The following PTBP1 variants were observed in gnomAD, a reference collection of about 807,000 sequenced individuals.
PTBP1 encodes polypyrimidine tract-binding protein 1.
A neutral mutation model predicts 59.8 loss-of-function variants in PTBP1; 8 were observed. That is an observed-to-expected ratio of 0.13 (90% confidence interval 0.08 to 0.24). The LOEUF (loss-of-function observed/expected upper bound fraction) is 0.24. Ranked by LOEUF, PTBP1 falls within the 10% of genes least tolerant of loss-of-function variation. PTBP1 has a pLI of 1.00. For synonymous variants in PTBP1, 490 were observed against 320.7 expected, an observed-to-expected ratio of 1.53 and a Z score of -5.64; for missense variants, 686 against 767.0, an observed-to-expected ratio of 0.89 and a Z score of 1.25.
intron 13 of PTBP1, 70 bp from the exon 14 acceptor site, chr19:810,473 A>T: frequency 7.4e-7 from 1 of 1,355,540 alleles, no homozygotes; most frequent in Non-Finnish European, 1.0e-6. Flanking sequence ...GTCTGGGGAA[A>T]GCCTCGCGGA....
intron 2 of PTBP1, among the ~76,000 whole-genome samples, chr19:802,185 C>G (rs989117505): frequency 6.6e-6 from 1 of 152,204 alleles, no homozygotes; most frequent in South Asian, 2.1e-4. Flanking sequence ...CCCCATCCTC[C>G]TTGAGCAGGT....
intron 8 of PTBP1, 28 bp downstream of exon 8, chr19:805,215 T>G (rs1317735762): frequency 6.2e-7 from 1 of 1,610,318 alleles, no homozygotes; most frequent in Non-Finnish European, 8.5e-7. Flanking sequence ...GCGGCGCCAG[T>G]GTGCAGAGTG....
chr19:808,512 C>G lies in PTBP1; in HGVS notation c.1247-34C>G, dbSNP rs778040853. Reference sequence around the variant, plus strand: ...CAGGGGCGGGGGCTGCGTTCCCTCTCGGGCGCCTGGTCACGCGGGTGCTGC... The same window carrying G: ...CAGGGGCGGGGGCTGCGTTCCCTCTGGGGCGCCTGGTCACGCGGGTGCTGC... On this transcript the variant is annotated intron_variant, in intron 12 of 14. Transcript: ENST00000356948. The surrounding 1 kb of genome is among the most constrained non-coding windows in gnomAD (Gnocchi z 4.7). 3.2e-6 allele frequency: 5 copies of G among 1,559,860 alleles called. No homozygotes were observed. The highest frequency in any genetic ancestry group is 1.4e-5 in the African/African-American group (1 of 73,526).
intron 2 of PTBP1, 71 bp from the exon 3 acceptor site, chr19:803,490 G>C: frequency 7.3e-7 from 1 of 1,379,256 alleles, no homozygotes; most frequent in Non-Finnish European, 1.0e-6. Flanking sequence ...GTGGGAGCAG[G>C]GCCGGCCGGT....
Position 804,769 on chromosome 19 carries a change from G to A in PTBP1, c.607-60G>A, listed in dbSNP as rs1168810215. ...TGCTGTGGGCACAGGCACACGGGAG[G>A]GGCCTGGCAGGGCTGGTGGGCACCG... is the stretch of plus-strand genomic sequence containing the variant. On this transcript the variant is annotated intron_variant, in intron 6 of 14. Coordinates refer to ENST00000356948, the MANE Select transcript of PTBP1 (RefSeq NM_002819.5). 4.4e-6 allele frequency: 7 copies of A among 1,608,358 alleles called. No individual in the cohort carries two copies. The African/African-American group carries it at 5.3e-5, about 12-fold the overall frequency.
rs962871762 is a variant in PTBP1, at chr19:799,607, C to T, written c.39+164C>T. 3.9e-5 allele frequency among the ~76,000 whole-genome samples: 6 copies of T among 152,232 alleles called. No individual in the cohort carries two copies. In the South Asian group the frequency reaches 6.2e-4, roughly 16 times the overall value. On this transcript the variant is annotated intron_variant, in intron 2 of 14. Transcript: ENST00000356948. ...GAGTTGGGCGGTAGGGTTTGAACCC[C>T]GGGCTCCAGTGCCCGTGAGTTTTGG...
At chr19:798,037 G>A (rs956976615) in intron 1 of PTBP1, among the ~76,000 whole-genome samples, 2 of 151,276 alleles carry the variant, frequency 1.3e-5, no homozygotes, top group Admixed American at 1.3e-4. Flanking sequence ...GCGGCCGCCG[G>A]GAGGGAAAGC....
rs2034501690 is a variant in PTBP1, at chr19:805,108, G to A, written c.813G>A (p.Lys271=). Residue 271 remains lysine (K), a synonymous_variant, in exon 8 of 15, where the codon AAG becomes AAA. Transcript: ENST00000356948. The stretch of plus-strand genomic sequence containing the variant: ...TCAACGTCAAGTACAACAATGACAA[G>A]AGCCGTGACTACACACGCCCAGACC... The part of the protein sequence containing the change: ...TSLNVKYNND[K]SRDYTRPDLP... 6.2e-7 allele frequency: 1 copy of A among 1,613,882 alleles called. No individual in the cohort carries two copies. Among genetic ancestry groups the A allele is most frequent in the Non-Finnish European group, 8.5e-7 (1 of 1,179,886 alleles).
intron 2 of PTBP1, among the ~76,000 whole-genome samples, chr19:800,075 C>A (rs1338882605): frequency 1.3e-5 from 2 of 151,188 alleles, no homozygotes; most frequent in African/African-American, 2.4e-5. Context: ...TACAGGTGCC[C>A]ACCACCATGC....
At chr19:797,600 C>T (rs925447710) in intron 1 of PTBP1, 95 bp downstream of exon 1, 7 of 890,504 alleles carry the variant, frequency 7.9e-6, no homozygotes, top group Admixed American at 4.6e-5. Flanking sequence ...ATCTCGCCCC[C>T]TCTCGGGCGG....
At chr19:797,616 G>C in intron 1 of PTBP1, 111 bp downstream of exon 1, 1 of 685,868 alleles carries the variant, frequency 1.5e-6, no homozygotes, top group Non-Finnish European at 2.0e-6. Flanking sequence ...GGCGGGAGGG[G>C]GCGGCGGGCT....
chr19:808,889 C>T lies in PTBP1; in HGVS notation c.1463+127C>T, dbSNP rs751798141. The T allele has an allele frequency of 4.7e-5, 40 of 849,936 alleles. No homozygotes were observed. The highest frequency in any genetic ancestry group is 6.7e-5 in the Non-Finnish European group (36 of 536,168). The allele number at this position is 849,936 out of a possible 1,614,324, so 52.6% of individuals were successfully genotyped here. A position where few individuals can be genotyped will look rare whatever the true frequency, so the allele number is the denominator to read the frequency against. On this transcript the variant is annotated intron_variant, in intron 13 of 14. Coordinates refer to ENST00000356948, the MANE Select transcript of PTBP1 (RefSeq NM_002819.5). The surrounding 1 kb of genome is among the most constrained non-coding windows in gnomAD (Gnocchi z 4.7). ...CAGGTCGGGCACCTCTTACCCCAAA[C>T]CTGAAGTACTGCAAGGCCTGGAGCT... is the stretch of plus-strand genomic sequence containing the variant.
intron 9 of PTBP1, 62 bp from the exon 10 acceptor site, chr19:806,346 C>T (rs997590813): frequency 8.6e-6 from 13 of 1,514,242 alleles, no homozygotes; most frequent in Admixed American, 4.3e-5. Flanking sequence ...GGAGCGTCGG[C>T]CTCTCCCACT....
intron 10 of PTBP1, 42 bp from the exon 11 acceptor site, chr19:807,825 CCT>C: frequency 6.4e-7 from 1 of 1,572,564 alleles, no homozygotes; most frequent in Non-Finnish European, 8.8e-7. Context: ...TTGACCTCTC[CCT>C]CTCCCCTGTC....
At chr19:800,793 T>A (rs1190874036) in intron 2 of PTBP1, among the ~76,000 whole-genome samples, 1 of 152,206 alleles carries the variant, frequency 6.6e-6, no homozygotes. Flanking sequence ...TCTTCCCTGC[T>A]TCTGTGGGCC....
chr19:806,409 C>T lies in PTBP1; in HGVS notation c.972C>T (p.Gly324=). ...TCATCTCACCTCCTGCTTTTCCAGG[C>T]CTTTCCGTTCCGAACGTCCACGGCG... ...PPTFAIPQAA[G]LSVPNVHGAL... Residue 324 remains glycine, a splice_region_variant and synonymous_variant, in exon 10 of 15, where the codon GGC becomes GGT. Transcript: ENST00000356948. The T allele has an allele frequency of 3.1e-6, 5 of 1,601,226 alleles. No homozygotes were observed. Among genetic ancestry groups the T allele is most frequent in the African/African-American group, 1.4e-5 (1 of 73,408 alleles).
At chr19:807,562 T>G in intron 10 of PTBP1, 2 of 405,408 alleles carry the variant, frequency 4.9e-6, no homozygotes, top group East Asian at 4.2e-5. Flanking sequence ...CCCTTCCCCT[T>G]TCCCTATTTT....
rs1342884617 is a variant in PTBP1 at position 812,150 on chromosome 19, C to CA, written c.*1325dup. ...GTGACCGCGGAGCCACAGGGGACCCCACGCACATTCCGTTGCCTTACCCGA... is the reference window on the plus strand; with the variant it reads ...GTGACCGCGGAGCCACAGGGGACCCCAACGCACATTCCGTTGCCTTACCCGA... On this transcript the variant is annotated 3_prime_UTR_variant, in exon 15 of 15. Coordinates refer to ENST00000356948, the MANE Select transcript of PTBP1 (RefSeq NM_002819.5). 1.3e-5 allele frequency: 2 copies of CA among 152,416 alleles called. No homozygotes were observed. Among genetic ancestry groups the CA allele is most frequent in the African/African-American group, 2.4e-5 (1 of 41,446 alleles). 9.4% of individuals were successfully genotyped at this position (152,416 alleles called of 1,614,324 possible). A position where few individuals can be genotyped will look rare whatever the true frequency, so the allele number is the denominator to read the frequency against.
chr19:805,975 C>T (rs1214906262), intron 9 of PTBP1: 2 of 255,674 alleles, frequency 7.8e-6, no homozygotes, highest in African/African-American at 4.6e-5. Context: ...CTCCCGCTTC[C>T]CTTCTGGGAC....
Sources: gnomAD v4.1 joint callset for allele counts (sites outside exome capture counted in the v4.1 genomes callset) on GRCh38, gnomAD v4.1.1 for gene constraint, Gnocchi (gnomAD v3.1) non-coding constraint, MANE v1.5 for transcripts, NCBI Gene and HGNC (gene_info 2026-07-23, HGNC 2026-07-21) for gene names.